Variants in LCA5L observed in about 807,000 individuals in gnomAD.
LCA5L encodes lebercilin-like protein.
Under a neutral mutation model 45.4 loss-of-function variants are expected in LCA5L, and 35 were observed. The ratio of observed to expected loss-of-function variants is 0.77; its 90% CI spans 0.59 to 1.02. The LOEUF is 1.02. Among genes scored for constraint, LCA5L ranks in the 50% least tolerant of loss-of-function variants. The pLI is 0.00. For missense variants in LCA5L, 668 were observed against 761.6 expected, an observed-to-expected ratio of 0.88 and a Z score of 1.45; for synonymous variants, 233 against 264.7, an observed-to-expected ratio of 0.88 and a Z score of 1.16.
chr21:39,418,747 G>A (rs761503867), intron 7 of LCA5L, among the ~76,000 whole-genome samples: 9 of 151,780 alleles, frequency 5.9e-5, no homozygotes, highest in Admixed American at 2.0e-4. Context: ...TGATCTGCCC[G>A]CCTCGGCCTC....
intron 5 of LCA5L, among the ~76,000 whole-genome samples, chr21:39,424,545 C>T (rs549706834): frequency 2.0e-5 from 3 of 152,294 alleles, no homozygotes; most frequent in African/African-American, 4.8e-5. Context: ...ATATGTCAGG[C>T]ATTAAACTAA....
chr21:39,414,128 G>A (rs2837014), intron 7 of LCA5L: 81,148 of 152,054 alleles, frequency 0.53, 21,850 homozygotes, highest in East Asian at 0.67. Context: ...GTGGCTGGGA[G>A]TGTTCATGCA....
intron 4 of LCA5L, among the ~76,000 whole-genome samples, chr21:39,428,821 C>G (rs1056328496): frequency 3.3e-5 from 5 of 150,320 alleles, no homozygotes; most frequent in African/African-American, 1.2e-4. Flanking sequence ...ACTATGTTGC[C>G]CAGGCTGGTC....
Position 39,428,335 on chromosome 21 carries a change from T to C in LCA5L, c.159A>G (p.Arg53=). 1 of 1,613,730 alleles carries C rather than the reference T, an allele frequency of 6.2e-7. No homozygotes were observed. The highest frequency in any genetic ancestry group is 8.5e-7 in the Non-Finnish European group (1 of 1,179,914). The change falls in exon 5 of 11, where the codon AGA becomes AGG. Residue 53 remains arginine, a synonymous_variant. Transcript: ENST00000288350. ...NASNKSVDYS[R]SQCSCGSLSS... ...TTAAACTTCCACAGGAGCACTGAGA[T>C]CTGCTATAATCAACACTCTTATTGG...
In LCA5L at chr21:39,434,516, C is replaced by T. The variant is rs143422565; in HGVS notation, c.-92+904G>A. Among the ~76,000 whole-genome samples, 817 of 152,188 alleles carry T rather than the reference C, an allele frequency of 5.4e-3. 9 individuals are homozygous for T. Among genetic ancestry groups the T allele is most frequent in the African/African-American group, 0.018 (765 of 41,524 alleles). On this transcript the variant is annotated intron_variant, in intron 3 of 10. Coordinates refer to ENST00000288350, the MANE Select transcript of LCA5L (RefSeq NM_152505.4). ...TGAAAAATCCAGGCCTTAAACCAAC[C>T]ACCTACTGTTCTTTCTTTTGAGACG...
Position 39,410,040 on chromosome 21 carries a change from A to G in LCA5L, c.1221T>C (p.His407=). 6.2e-7 allele frequency: 1 copy of G among 1,610,804 alleles called. No homozygotes were observed. The highest frequency in any genetic ancestry group is 8.5e-7 in the Non-Finnish European group (1 of 1,177,574). The change falls in exon 10 of 11, where the codon CAT becomes CAC. Residue 407 remains histidine (H), a synonymous_variant. Transcript: ENST00000288350. ...GTTTATTCACACAGTGAGGAATTTC[A>G]TGATTTATTTCAGTTGATTTTTCTT... ...DHKEKSTEIN[H]EIPHCVNKLP...
chr21:39,422,143 A>G (rs1014837723), intron 6 of LCA5L: 3 of 152,258 alleles, frequency 2.0e-5, no homozygotes, highest in Non-Finnish European at 4.4e-5. Flanking sequence ...CAGAAGAAAT[A>G]ACTGAGATTA....
chr21:39,442,450 T>C lies in LCA5L; in HGVS notation c.-246+1685A>G, dbSNP rs113342111. Among the ~76,000 whole-genome samples the C allele has an allele frequency of 5.4e-3, 824 of 152,236 alleles. 9 individuals are homozygous for C. Among genetic ancestry groups the C allele is most frequent in the African/African-American group, 0.019 (771 of 41,528 alleles). ...AGGGGTGGCATAATCAGCTCTGCCT[T>C]CTGAAGGTTACTCTGGCTGCAGGGT... On this transcript the variant is annotated intron_variant, in intron 2 of 10. Transcript: ENST00000288350.
intron 5 of LCA5L, among the ~76,000 whole-genome samples, chr21:39,423,856 T>C (rs2074167128): frequency 1.3e-5 from 2 of 152,170 alleles, no homozygotes; most frequent in African/African-American, 4.8e-5. Context: ...ACAGCTAGAC[T>C]AAAAGCTGTG....
chr21:39,406,922 A>G (rs182246323), intron 10 of LCA5L, among the ~76,000 whole-genome samples: 16 of 152,318 alleles, frequency 1.1e-4, no homozygotes, highest in African/African-American at 3.6e-4. Context: ...CTAACTGGAC[A>G]TACTGCCAGT....
intron 6 of LCA5L, chr21:39,422,413 C>G (rs1015258738): frequency 1.3e-5 from 2 of 152,580 alleles, no homozygotes; most frequent in Non-Finnish European, 2.9e-5. Context: ...ATCCAGTCAT[C>G]TCTTTAATTA....
rs1321120659 is a variant in LCA5L at position 39,409,293 on chromosome 21, C to A, written c.1282+686G>T. On this transcript the variant is annotated intron_variant, in intron 10 of 10. Transcript: ENST00000288350. The surrounding 1 kb of genome is among the most constrained non-coding windows in gnomAD (Gnocchi z 4.2). Reference sequence around the variant, plus strand: ...GCCTAGAACCTTGATCTCGGACTTCCTAGCCTCCAGAACCATGAGAAAATA... The same window carrying A: ...GCCTAGAACCTTGATCTCGGACTTCATAGCCTCCAGAACCATGAGAAAATA... 6.6e-6 allele frequency among the ~76,000 whole-genome samples: 1 copy of A among 151,978 alleles called. No homozygotes were observed. Among genetic ancestry groups the A allele is most frequent in the Non-Finnish European group, 1.5e-5 (1 of 67,892 alleles).
intron 1 of LCA5L, 111 bp downstream of exon 1, chr21:39,445,614 C>T: frequency 6.5e-6 from 1 of 152,738 alleles, no homozygotes; most frequent in Non-Finnish European, 1.5e-5. Context: ...GAGTGACCGG[C>T]GATACTGGAA....
At chr21:39,415,710 C>T (rs150433554) in intron 7 of LCA5L, among the ~76,000 whole-genome samples, 2 of 152,296 alleles carry the variant, frequency 1.3e-5, no homozygotes, top group East Asian at 1.9e-4. Context: ...CAAAACACTG[C>T]GACTGATTAA....
Position 39,423,062 on chromosome 21 carries a change from C to G in LCA5L, c.751G>C (p.Asp251His). The G allele has an allele frequency of 6.2e-7, 1 of 1,614,044 alleles. No individual in the cohort carries two copies. The highest frequency in any genetic ancestry group is 8.5e-7 in the Non-Finnish European group (1 of 1,179,932). Residue 251 changes from aspartate (D) to histidine (H), a missense_variant, in exon 6 of 11, where the codon GAC becomes CAC. Physicochemically the swap from Asp to His is moderately conservative, Grantham distance 81. Coordinates refer to ENST00000288350, the MANE Select transcript of LCA5L (RefSeq NM_152505.4). ...ILQALQKLSEDKNLAEREELT... is the reference protein window; with the variant it reads ...ILQALQKLSEHKNLAEREELT... ...TCTTCCCTTTCTGCAAGGTTTTTGT[C>G]TTCAGAAAGTTTCTGCAGTGCCTGC...
intron 7 of LCA5L, among the ~76,000 whole-genome samples, chr21:39,418,305 G>C (rs1407593885): frequency 6.6e-6 from 1 of 152,106 alleles, no homozygotes; most frequent in Admixed American, 6.5e-5. Flanking sequence ...GTATCCTAGA[G>C]ATTATTCCAT....
intron 8 of LCA5L, among the ~76,000 whole-genome samples, 189 bp downstream of exon 8, chr21:39,411,529 G>A (rs771671602): frequency 2.1e-4 from 32 of 152,148 alleles, no homozygotes; most frequent in Non-Finnish European, 3.1e-4. Context: ...ATGGGAGAAC[G>A]GGAAAGCATT....
At chr21:39,414,746 G>C (rs867863718) in intron 7 of LCA5L, among the ~76,000 whole-genome samples, 5,919 of 135,214 alleles carry the variant, frequency 0.044, 110 homozygotes, top group African/African-American at 0.06. Context: ...CTCTCTCTGT[G>C]TGTGTGTGTG....
chr21:39,406,679 G>T, intron 10 of LCA5L, 67 bp from the exon 11 acceptor site: 1 of 1,266,626 alleles, frequency 7.9e-7, no homozygotes, highest in Non-Finnish European at 1.1e-6. Flanking sequence ...AAGATGGCAT[G>T]TCTAGTACAC....
Sources: gnomAD v4.1 joint callset for allele counts (sites outside exome capture counted in the v4.1 genomes callset) on GRCh38, gnomAD v4.1.1 for gene constraint, Gnocchi (gnomAD v3.1) non-coding constraint, MANE v1.5 for transcripts, NCBI Gene and HGNC (gene_info 2026-07-23, HGNC 2026-07-21) for gene names.